Variants in TLE4 observed in about 807,000 individuals in gnomAD.
The protein encoded by TLE4 is transducin-like enhancer protein 4.
In TLE4, 8 loss-of-function variants were observed where a neutral mutation model predicts 92.8. That is an observed-to-expected ratio of 0.09 (90% confidence interval 0.05 to 0.16). The LOEUF (loss-of-function observed/expected upper bound fraction) is 0.16. Among genes scored for constraint, TLE4 ranks in the 10% least tolerant of loss-of-function variants. TLE4 has a pLI of 1.00. For synonymous variants in TLE4, 371 were observed against 374.1 expected (o/e 0.99, Z 0.10); for missense variants, 675 against 997.6 (o/e 0.68, Z 4.36).
At chr9:79,684,652 A>G (rs773005450) in intron 8 of TLE4, among the ~76,000 whole-genome samples, 31 of 152,278 alleles carry the variant, frequency 2.0e-4, no homozygotes, top group South Asian at 1.9e-3. Context: ...CTTGGTGCCA[A>G]AAAGATTGGG....
chr9:79,639,443 C>A (rs2056701876), intron 6 of TLE4, among the ~76,000 whole-genome samples: 1 of 152,124 alleles, frequency 6.6e-6, no homozygotes, highest in Non-Finnish European at 1.5e-5. Flanking sequence ...GCTGTCGTAA[C>A]ACCACAGCAA....
At position 79,668,757 on chromosome 9, in the gene TLE4, T is replaced by C. The variant is rs560748224; in HGVS notation, c.609+14682T>C. 1,632 of 920,254 alleles carry C rather than the reference T, an allele frequency of 1.8e-3. 5 individuals are homozygous for C. Among genetic ancestry groups the C allele is most frequent in the Middle Eastern group, 3.9e-3 (7 of 1,806 alleles). 57.0% of individuals were successfully genotyped at this position (920,254 alleles called of 1,614,324 possible). ...AAATAGTATAGCTAGCAAATGGAAG[T>C]CATCTACTGGAACGCTTTTAATTTG... On this transcript the variant is annotated intron_variant, in intron 8 of 19. Transcript: ENST00000376552.
intron 5 of TLE4, among the ~76,000 whole-genome samples, chr9:79,612,989 C>T (rs987910873): frequency 6.6e-6 from 1 of 152,058 alleles, no homozygotes; most frequent in African/African-American, 2.4e-5. Flanking sequence ...TGTCGTGTTG[C>T]TCAGAATTAT....
chr9:79,701,769 G>T (rs551460644), intron 8 of TLE4, among the ~76,000 whole-genome samples: 1 of 152,336 alleles, frequency 6.6e-6, no homozygotes, highest in East Asian at 1.9e-4. Flanking sequence ...TTTGGAGTGA[G>T]ATTGAGGCGT....
chr9:79,639,341 A>G (rs10780317), intron 6 of TLE4, among the ~76,000 whole-genome samples: 145,923 of 152,312 alleles, frequency 0.96, 69,934 homozygotes, highest in East Asian at 1. Context: ...GCCATATAAT[A>G]ATGTTTCAGT....
chr9:79,572,970 AGCCC>A, intron 1 of TLE4, 135 bp downstream of exon 1: 2 of 936,378 alleles, frequency 2.1e-6, no homozygotes, highest in Non-Finnish European at 3.0e-6. Flanking sequence ...CGCCGGGAGC[AGCCC>A]GCCCGCCATC....
rs775659818 is a variant in TLE4 at position 79,722,991 on chromosome 9, C to T, written c.2170C>T (p.Leu724Phe). 6.2e-7 allele frequency: 1 copy of T among 1,614,150 alleles called. No individual in the cohort carries two copies. Among genetic ancestry groups the T allele is most frequent in the South Asian group, 1.1e-5 (1 of 91,086 alleles). ...GTTTGTAAGCACTGGAAAGGACAAC[C>T]TTCTGAATGCCTGGAGAACACCTTA... The part of the protein sequence containing the change: ...KWFVSTGKDN[L>F]LNAWRTPYGA... Residue 724 changes from leucine to phenylalanine, a missense_variant, in exon 19 of 20, where the codon CTT becomes TTT. Leu to Phe is a conservative substitution (Grantham distance 22). This residue lies in a region of TLE4 where 170 missense variants were observed against 359.6 expected (regional missense o/e 0.47). Transcript: ENST00000376552.
At chr9:79,679,734 G>T (rs1196049686) in intron 8 of TLE4, among the ~76,000 whole-genome samples, 1 of 152,074 alleles carries the variant, frequency 6.6e-6, no homozygotes, top group Non-Finnish European at 1.5e-5. Flanking sequence ...TTCTTCTAGG[G>T]TTTTTATGGT....
chr9:79,591,969 C>T lies in TLE4; in HGVS notation c.252+15792C>T, dbSNP rs116355448. ...TCATCTCTCCTGCCAAATTTATAAT[C>T]CTTCCAAGAACCTCAAGGATTCTTT... On this transcript the variant is annotated intron_variant, in intron 4 of 19. Coordinates refer to ENST00000376552, the MANE Select transcript of TLE4 (RefSeq NM_007005.6). 4.4e-3 allele frequency among the ~76,000 whole-genome samples: 677 copies of T among 152,230 alleles called. 5 individuals are homozygous for T. The highest frequency in any genetic ancestry group is 0.015 in the African/African-American group (638 of 41,538).
chr9:79,709,577 A>G, intron 13 of TLE4, 46 bp from the exon 14 acceptor site: 1 of 1,556,818 alleles, frequency 6.4e-7, no homozygotes, highest in Non-Finnish European at 8.9e-7. Context: ...AAACAAGTCA[A>G]ATGTAACTGT....
chr9:79,651,784 T>G (rs1362315794), intron 6 of TLE4, among the ~76,000 whole-genome samples: 1 of 152,218 alleles, frequency 6.6e-6, no homozygotes, highest in African/African-American at 2.4e-5. Flanking sequence ...AATTCAGGTT[T>G]TCTCTTTCAA....
In TLE4 at chr9:79,689,672, G is replaced by C. The variant is rs373263774; in HGVS notation, c.610-15111G>C. On this transcript the variant is annotated intron_variant, in intron 8 of 19. Coordinates refer to ENST00000376552, the MANE Select transcript of TLE4 (RefSeq NM_007005.6). ...GTTTTGAAATGTAGTTCATCCTGAC[G>C]TGACTGGCTTATAGGGAGAGAAAGT... is the stretch of plus-strand genomic sequence containing the variant. Among the ~76,000 whole-genome samples the C allele has an allele frequency of 1.5e-4, 23 of 152,284 alleles. No individual in the cohort carries two copies. In the South Asian group the frequency reaches 2.5e-3, roughly 16 times the overall value.
chr9:79,612,553 C>A, intron 4 of TLE4, 103 bp from the exon 5 acceptor site: 2 of 1,105,280 alleles, frequency 1.8e-6, no homozygotes, highest in South Asian at 1.3e-5. Flanking sequence ...AATATGCCAG[C>A]CAAATTATAA....
At chr9:79,677,999 G>A (rs2063601960) in intron 8 of TLE4, among the ~76,000 whole-genome samples, 1 of 152,062 alleles carries the variant, frequency 6.6e-6, no homozygotes, top group Non-Finnish European at 1.5e-5. Flanking sequence ...AAATTCAGTA[G>A]CTTGTTAACA....
At position 79,588,135 on chromosome 9, in the gene TLE4, C is replaced by CGTGTGTGTGTGT. The variant is rs71364418; in HGVS notation, c.252+11975_252+11986dup. The stretch of plus-strand genomic sequence containing the variant: ...TGGTAAACTTCTTTGTTTATCCTTG[C>CGTGTGTGTGTGT]GTGTGTGTGTGTGTGTGTGTGTGTG... On this transcript the variant is annotated intron_variant, in intron 4 of 19. Transcript: ENST00000376552. 9.0e-3 allele frequency among the ~76,000 whole-genome samples: 1,318 copies of CGTGTGTGTGTGT among 146,804 alleles called. 9 individuals carry two copies. Among genetic ancestry groups the CGTGTGTGTGTGT allele is most frequent in the African/African-American group, 0.012 (476 of 39,356 alleles).
chr9:79,633,908 G>C (rs930440785), intron 6 of TLE4, among the ~76,000 whole-genome samples: 1 of 152,146 alleles, frequency 6.6e-6, no homozygotes, highest in African/African-American at 2.4e-5. Context: ...ATTGACAGTG[G>C]TTAACTGTCA....
At chr9:79,665,597 T>C (rs2061265033) in intron 8 of TLE4, among the ~76,000 whole-genome samples, 1 of 152,220 alleles carries the variant, frequency 6.6e-6, no homozygotes, top group African/African-American at 2.4e-5. Context: ...CATGAACCTT[T>C]AGCAAACACT....
intron 10 of TLE4, 97 bp downstream of exon 10, chr9:79,706,039 G>GT: frequency 8.3e-7 from 1 of 1,206,854 alleles, no homozygotes; most frequent in East Asian, 2.3e-5. Flanking sequence ...GAGGTTTGTC[G>GT]TTTTGTTATT....
chr9:79,633,467 A>G (rs2054857615), intron 6 of TLE4, among the ~76,000 whole-genome samples: 1 of 152,042 alleles, frequency 6.6e-6, no homozygotes, highest in Non-Finnish European at 1.5e-5. Flanking sequence ...TTGAGTTCAA[A>G]GTGTTATAAG....
Sources: gnomAD v4.1 joint callset for allele counts (sites outside exome capture counted in the v4.1 genomes callset) on GRCh38, gnomAD v4.1.1 for gene constraint, gnomAD v4.1.1 regional missense constraint, MANE v1.5 for transcripts, NCBI Gene and HGNC (gene_info 2026-07-23, HGNC 2026-07-21) for gene names.